FBXL2: variants seen among roughly 807,000 people sequenced by gnomAD.
FBXL2 encodes F-box and leucine rich repeat protein 2, also known as F-box/LRR-repeat protein 2.
In FBXL2, 38 loss-of-function variants were observed where a neutral mutation model predicts 69.2. The observed-to-expected ratio is 0.55, with a 90% CI of 0.42 to 0.72. The LOEUF is 0.72. FBXL2 is among the 30% of genes least tolerant of loss of function. The probability of loss-of-function intolerance (pLI) is 0.00; values close to 1 mark genes in which losing one functional copy is unlikely to be tolerated. For missense variants in FBXL2, 354 were observed against 520.3 expected (o/e 0.68, Z 3.11); for synonymous variants, 192 against 201.3 (o/e 0.95, Z 0.39).
intron 1 of FBXL2, chr3:33,289,757 T>C (rs2035036548): frequency 1.0e-6 from 1 of 983,962 alleles, no homozygotes; most frequent in African/African-American, 1.8e-5. Flanking sequence ...GTTCGGATGC[T>C]GGGGCAAGGG....
At chr3:33,364,250 TCAGTGGCTGGTATTCCCA>T in intron 4 of FBXL2, 1 of 233,996 alleles carries the variant, frequency 4.3e-6, no homozygotes, top group Admixed American at 5.2e-5. Context: ...AGATCTCTGC[TCAGTGGCTGGTATTCCCA>T]CAGCTAACCT....
downstream of FBXL2, among the ~76,000 whole-genome samples, chr3:33,407,005 T>C (rs949691920): frequency 2.6e-5 from 4 of 152,218 alleles, no homozygotes; most frequent in African/African-American, 9.7e-5. Flanking sequence ...AAGCCAATTG[T>C]AACTAGCCAA....
chr3:33,356,096 G>T (rs1020220720), intron 2 of FBXL2, among the ~76,000 whole-genome samples: 1 of 152,112 alleles, frequency 6.6e-6, no homozygotes, highest in Non-Finnish European at 1.5e-5. Context: ...GCACCTGTTG[G>T]TTCCTATGTG....
intron 5 of FBXL2, among the ~76,000 whole-genome samples, chr3:33,367,096 C>CT (rs535361320): frequency 0.014 from 2,032 of 146,756 alleles, 20 homozygotes; most frequent in South Asian, 0.027. Flanking sequence ...AAGTCAGTTT[C>CT]TTTTTTTTTT....
At chr3:33,312,949 C>T (rs1335447783) in intron 2 of FBXL2, among the ~76,000 whole-genome samples, 1 of 151,736 alleles carries the variant, frequency 6.6e-6, no homozygotes, top group Non-Finnish European at 1.5e-5. Flanking sequence ...AAGGAAACCC[C>T]GTCTCTACTG....
At chr3:33,337,162 G>A (rs907288593) in intron 2 of FBXL2, among the ~76,000 whole-genome samples, 41 of 151,880 alleles carry the variant, frequency 2.7e-4, no homozygotes, top group African/African-American at 8.0e-4. Context: ...CCGAGATTGC[G>A]CCACTGCACT....
intron 11 of FBXL2, among the ~76,000 whole-genome samples, chr3:33,377,803 T>C (rs1273628707): frequency 6.6e-6 from 1 of 152,158 alleles, no homozygotes; most frequent in East Asian, 1.9e-4. Context: ...GAGTCTAGGC[T>C]ATGGCTAAAA....
intron 12 of FBXL2, among the ~76,000 whole-genome samples, chr3:33,401,350 GA>G (rs1456308758): frequency 1.3e-5 from 2 of 151,826 alleles, no homozygotes; most frequent in Non-Finnish European, 2.9e-5. Flanking sequence ...AAAGTTAGGG[GA>G]AAAAATATGA....
At chr3:33,304,641 A>C (rs915167155) in intron 2 of FBXL2, among the ~76,000 whole-genome samples, 3 of 152,100 alleles carry the variant, frequency 2.0e-5, no homozygotes, top group Non-Finnish European at 4.4e-5. Flanking sequence ...CTGGTGCACA[A>C]GTACACAATT....
At chr3:33,277,357 A>T, upstream of FBXL2, 1 of 738,948 alleles carries the variant, frequency 1.4e-6, no homozygotes. Flanking sequence ...TCCAAAGGGC[A>T]CCGCCCCTGC....
At position 33,300,906 on chromosome 3, in the gene FBXL2, A is replaced by G. The variant is rs533569361; in HGVS notation, c.65+3181A>G. Among the ~76,000 whole-genome samples the G allele has an allele frequency of 2.9e-3, 436 of 151,590 alleles. 4 individuals are homozygous for G. Among genetic ancestry groups the G allele is most frequent in the South Asian group, 7.1e-3 (34 of 4,790 alleles). On this transcript the variant is annotated intron_variant, in intron 2 of 14. Coordinates refer to ENST00000484457, the MANE Select transcript of FBXL2 (RefSeq NM_012157.5). The stretch of plus-strand genomic sequence containing the variant: ...TTTTTTTTGTATTTTTAGTAGAGAC[A>G]GGGTTTCACCGTGGTCTCGATCTCC...
At chr3:33,406,762 T>C (rs941875047), downstream of FBXL2, among the ~76,000 whole-genome samples, 2 of 152,190 alleles carry the variant, frequency 1.3e-5, no homozygotes, top group African/African-American at 4.8e-5. Flanking sequence ...CGGTACACTG[T>C]GAACACAGTC....
At chr3:33,326,673 C>T (rs535709915) in intron 2 of FBXL2, among the ~76,000 whole-genome samples, 2 of 151,954 alleles carry the variant, frequency 1.3e-5, no homozygotes, top group South Asian at 2.1e-4. Flanking sequence ...TTTATTCAGC[C>T]GTGCACCTTG....
the FBXL2 span, chr3:33,408,917 T>TA: frequency 1.1e-4 from 116 of 1,023,434 alleles, 1 homozygote; most frequent in Admixed American, 1.7e-3. Context: ...GATTCAAAGT[T>TA]AAAAAAAATG....
chr3:33,357,596 C>T (rs904652455), intron 2 of FBXL2, among the ~76,000 whole-genome samples: 1 of 130,366 alleles, frequency 7.7e-6, no homozygotes, highest in African/African-American at 2.9e-5. Context: ...GTGGCGCTAT[C>T]TCGGCTCACT....
chr3:33,381,424 C>T (rs2043051319), intron 13 of FBXL2, among the ~76,000 whole-genome samples: 1 of 152,118 alleles, frequency 6.6e-6, no homozygotes, highest in Non-Finnish European at 1.5e-5. Context: ...GCGGGTGGAT[C>T]ACCTGAGGTC....
At chr3:33,286,946 C>T (rs376261895) in intron 1 of FBXL2, among the ~76,000 whole-genome samples, 1 of 152,204 alleles carries the variant, frequency 6.6e-6, no homozygotes, top group African/African-American at 2.4e-5. Context: ...CACGGCTTCC[C>T]TTGGCTAGGA....
intron 2 of FBXL2, among the ~76,000 whole-genome samples, chr3:33,313,122 G>GAAA (rs200519700): frequency 1.6e-5 from 2 of 126,790 alleles, no homozygotes; most frequent in African/African-American, 2.7e-5. Flanking sequence ...CCGTCTCCAA[G>GAAA]AAAAAAAAAA....
At chr3:33,362,937 A>C (rs1276901509) in intron 4 of FBXL2, among the ~76,000 whole-genome samples, 1 of 145,882 alleles carries the variant, frequency 6.9e-6, no homozygotes. Flanking sequence ...CATTAATGCA[A>C]GTAGTCTCAA....
Sources: gnomAD v4.1 joint callset for allele counts (sites outside exome capture counted in the v4.1 genomes callset) on GRCh38, gnomAD v4.1.1 for gene constraint, MANE v1.5 for transcripts, NCBI Gene and HGNC (gene_info 2026-07-23, HGNC 2026-07-21) for gene names.